ARLN: variants seen among roughly 807,000 people sequenced by gnomAD.
ARLN encodes allregulin.
At chr4:119,298,633 T>G in the ARLN span, 1 of 537,150 alleles carries the variant, frequency 1.9e-6, no homozygotes, top group Non-Finnish European at 3.4e-6. Flanking sequence ...TGCAAATTAG[T>G]AACAAAGTGT....
At chr4:119,297,261 T>C in the ARLN span, 2 of 152,170 alleles carry the variant, frequency 1.3e-5, no homozygotes, top group African/African-American at 4.8e-5. Context: ...TATTCCAGAC[T>C]TGACTAACCC....
chr4:119,302,539 T>C, the ARLN span, among the ~76,000 whole-genome samples: 18 of 152,316 alleles, frequency 1.2e-4, no homozygotes, highest in South Asian at 1.9e-3. Flanking sequence ...CCTTGCTCAG[T>C]TGGCATTTGC....
At chr4:119,302,028 A>AG in the ARLN span, among the ~76,000 whole-genome samples, 1 of 152,252 alleles carries the variant, frequency 6.6e-6, no homozygotes, top group South Asian at 2.1e-4. Context: ...CCTGGGCTTA[A>AG]GTGGCATTGA....
the ARLN span, chr4:119,298,084 T>A: frequency 0.28 from 42,428 of 151,364 alleles, 6,056 homozygotes; most frequent in East Asian, 0.38. Flanking sequence ...AAAAAAAAAA[T>A]AGGTTTGAAA....
the ARLN span, among the ~76,000 whole-genome samples, chr4:119,299,544 A>T: frequency 1.3e-5 from 2 of 152,136 alleles, no homozygotes; most frequent in Non-Finnish European, 2.9e-5. Flanking sequence ...TCTTAACACC[A>T]TCTCCATTTG....
At chr4:119,304,358 A>T in the ARLN span, 1 of 1,536,948 alleles carries the variant, frequency 6.5e-7, no homozygotes, top group Non-Finnish European at 8.7e-7. Flanking sequence ...TTGTTTCCAT[A>T]GTTTTTTGCC....
At chr4:119,297,808 G>A in the ARLN span, 316 of 152,682 alleles carry the variant, frequency 2.1e-3, no homozygotes, top group Non-Finnish European at 3.2e-3. Context: ...TGCTATGGGA[G>A]TGTGGCCTTT....
chr4:119,303,481 C>T, the ARLN span, among the ~76,000 whole-genome samples: 14,501 of 151,788 alleles, frequency 0.096, 853 homozygotes, highest in Non-Finnish European at 0.13. Flanking sequence ...GTGATCCGCC[C>T]GCCTCGGCCT....
chr4:119,298,603 C>T, the ARLN span: 1 of 482,736 alleles, frequency 2.1e-6, no homozygotes, highest in Non-Finnish European at 3.8e-6. Context: ...GGGTGAAATC[C>T]TACCCAATTA....
chr4:119,300,677 A>G, the ARLN span: 1 of 1,542,724 alleles, frequency 6.5e-7, no homozygotes. Flanking sequence ...TGCACTCTGA[A>G]CCTACTCTTC....
chr4:119,302,137 T>C, the ARLN span, among the ~76,000 whole-genome samples: 1 of 152,184 alleles, frequency 6.6e-6, no homozygotes, highest in Admixed American at 6.5e-5. Flanking sequence ...CTCCTAGTTA[T>C]TGAAGTAGGA....
the ARLN span, chr4:119,304,169 C>G: frequency 2.7e-6 from 3 of 1,097,814 alleles, no homozygotes. Flanking sequence ...CAGGGCCCCA[C>G]TTAAGTGCCA....
At chr4:119,301,344 A>C in the ARLN span, among the ~76,000 whole-genome samples, 1 of 151,754 alleles carries the variant, frequency 6.6e-6, no homozygotes, top group East Asian at 1.9e-4. Context: ...GAATCGCTTG[A>C]ACCCGGGAGG....
At chr4:119,300,580 T>G in the ARLN span, 1 of 1,613,924 alleles carries the variant, frequency 6.2e-7, no homozygotes, top group Non-Finnish European at 8.5e-7. Context: ...CGAAAATGCT[T>G]AAGTTCCCGG....
chr4:119,298,522 A>G, the ARLN span: 1 of 401,350 alleles, frequency 2.5e-6, no homozygotes, highest in Non-Finnish European at 4.5e-6. Context: ...CAGCCCCTGT[A>G]AAGCCATCAG....
chr4:119,302,884 AGAT>A, the ARLN span, among the ~76,000 whole-genome samples: 1 of 152,196 alleles, frequency 6.6e-6, no homozygotes, highest in South Asian at 2.1e-4. Context: ...TTCAGGAGGG[AGAT>A]GATGATGAAT....
At chr4:119,300,868 C>T in the ARLN span, 1 of 1,379,116 alleles carries the variant, frequency 7.3e-7, no homozygotes, top group South Asian at 1.5e-5. Context: ...CTGAAAGGCC[C>T]AGTCCAGTCA....
At chr4:119,300,452 G>T in the ARLN span, 2,348 of 1,614,034 alleles carry the variant, frequency 1.5e-3, 28 homozygotes, top group African/African-American at 0.027. Flanking sequence ...GCCTCACATC[G>T]AAGTTCTGCC....
At chr4:119,299,393 G>T in the ARLN span, among the ~76,000 whole-genome samples, 1 of 152,188 alleles carries the variant, frequency 6.6e-6, no homozygotes, top group Admixed American at 6.5e-5. Context: ...AATTTCAGAA[G>T]TAACTCATAG....
Sources: gnomAD v4.1 joint callset for allele counts (sites outside exome capture counted in the v4.1 genomes callset) on GRCh38, gnomAD v4.1.1 for gene constraint, MANE v1.5 for transcripts, NCBI Gene and HGNC (gene_info 2026-07-23, HGNC 2026-07-21) for gene names.